The following ZNF69 variants were observed in gnomAD, a reference collection of about 807,000 sequenced individuals.
The protein encoded by ZNF69 is ZNF3.
Under a neutral mutation model 50.9 loss-of-function variants are expected in ZNF69, and 47 were observed. The ratio of observed to expected loss-of-function variants is 0.92; its 90% CI spans 0.73 to 1.18. ZNF69 has a LOEUF of 1.18. Among genes scored for constraint, ZNF69 ranks in the 50% most tolerant of loss-of-function variants. The pLI, the probability that ZNF69 is intolerant of heterozygous loss-of-function variation, is 0.00. For missense variants in ZNF69, 717 were observed against 675.1 expected, an observed-to-expected ratio of 1.06 and a Z score of -0.69; for synonymous variants, 216 against 223.1, an observed-to-expected ratio of 0.97 and a Z score of 0.29.
chr19:11,890,501 A>G (rs111628524), intron 1 of ZNF69, among the ~76,000 whole-genome samples: 1 of 152,254 alleles, frequency 6.6e-6, no homozygotes, highest in Non-Finnish European at 1.5e-5. Context: ...GATTAACAGC[A>G]TCTCAAAGAA....
At chr19:11,939,622 G>A in the ZNF69 span, among the ~76,000 whole-genome samples, 1 of 152,068 alleles carries the variant, frequency 6.6e-6, no homozygotes, top group Non-Finnish European at 1.5e-5. Context: ...TGTTGCGCCT[G>A]GCTAATTTTT....
the ZNF69 span, among the ~76,000 whole-genome samples, chr19:11,943,586 T>C: frequency 6.6e-6 from 1 of 152,144 alleles, no homozygotes; most frequent in Admixed American, 6.5e-5. Context: ...GAGGCTCAGA[T>C]GGGTTATGGT....
chr19:11,946,125 A>G, the ZNF69 span, among the ~76,000 whole-genome samples: 2 of 152,240 alleles, frequency 1.3e-5, no homozygotes, highest in African/African-American at 4.8e-5. Flanking sequence ...CTGCCAGATT[A>G]AACAAGGCCC....
the ZNF69 span, among the ~76,000 whole-genome samples, chr19:11,924,447 A>AG: frequency 2.8e-4 from 42 of 151,810 alleles, 1 homozygote; most frequent in African/African-American, 9.4e-4. Flanking sequence ...AAAAAAAAAA[A>AG]AAAGAAAGAA....
the ZNF69 span, among the ~76,000 whole-genome samples, chr19:11,972,160 C>A: frequency 0.035 from 5,280 of 151,816 alleles, 330 homozygotes; most frequent in African/African-American, 0.12. Flanking sequence ...TGATGTGTAC[C>A]TGTAGTCCCA....
At chr19:11,901,695 A>T (rs1972247348) in intron 1 of ZNF69, among the ~76,000 whole-genome samples, 1 of 151,884 alleles carries the variant, frequency 6.6e-6, no homozygotes, top group Non-Finnish European at 1.5e-5. Context: ...TGTTGGCCAG[A>T]GTGGTCTCAA....
chr19:11,965,299 T>A, the ZNF69 span: 2 of 1,575,062 alleles, frequency 1.3e-6, no homozygotes, highest in Non-Finnish European at 1.7e-6. Context: ...CGGGCCTCCC[T>A]GCGGGCGACT....
chr19:11,946,560 C>T, the ZNF69 span, among the ~76,000 whole-genome samples: 1 of 152,268 alleles, frequency 6.6e-6, no homozygotes, highest in East Asian at 1.9e-4. Context: ...TGTCTGTGTA[C>T]AGGAACTTGT....
intron 1 of ZNF69, among the ~76,000 whole-genome samples, chr19:11,888,742 C>T (rs964879518): frequency 2.0e-5 from 3 of 152,004 alleles, no homozygotes; most frequent in Non-Finnish European, 2.9e-5. Flanking sequence ...CCAAGGCGGG[C>T]GGATCACCTG....
At chr19:11,965,263 C>G in the ZNF69 span, 1 of 1,612,066 alleles carries the variant, frequency 6.2e-7, no homozygotes, top group South Asian at 1.1e-5. Context: ...TGCCTGGAAC[C>G]GGCCGGAACC....
At chr19:11,966,969 A>T in the ZNF69 span, among the ~76,000 whole-genome samples, 1 of 152,208 alleles carries the variant, frequency 6.6e-6, no homozygotes, top group Non-Finnish European at 1.5e-5. Context: ...TCAGACCCCA[A>T]GAGGGTTCTT....
rs150742665 is a variant in ZNF69, at chr19:11,892,962, G to A, written c.63+4976G>A. On this transcript the variant is annotated intron_variant, in intron 1 of 3. Coordinates refer to ENST00000429654, the MANE Select transcript of ZNF69 (RefSeq NM_001364730.1). ...TAATTCTCCTGCTTCAGCCTCCCAAGTAGCTGGGATTACATGCATGTGCCA... is the reference window on the plus strand; with the variant it reads ...TAATTCTCCTGCTTCAGCCTCCCAAATAGCTGGGATTACATGCATGTGCCA... Among the ~76,000 whole-genome samples the A allele has an allele frequency of 1.2e-4, 19 of 152,290 alleles. No homozygotes were observed. In the East Asian group the frequency reaches 3.5e-3, roughly 28 times the overall value.
At chr19:11,961,915 CCT>C in the ZNF69 span, among the ~76,000 whole-genome samples, 6 of 132,662 alleles carry the variant, frequency 4.5e-5, no homozygotes, top group Admixed American at 1.5e-4. Context: ...CCACGCTTGG[CCT>C]CTTTTACACA....
At chr19:11,928,809 A>G in the ZNF69 span, among the ~76,000 whole-genome samples, 3 of 144,058 alleles carry the variant, frequency 2.1e-5, no homozygotes, top group African/African-American at 8.4e-5. Context: ...GCCTGGTAGG[A>G]TGGCTCACAC....
chr19:11,906,842 A>G (rs1972384016), downstream of ZNF69, among the ~76,000 whole-genome samples: 1 of 152,252 alleles, frequency 6.6e-6, no homozygotes, highest in South Asian at 2.1e-4. Context: ...AGCTGAGAGA[A>G]GAAGGCTTCA....
Position 11,906,684 on chromosome 19 carries a change from T to C in ZNF69, c.*586T>C, listed in dbSNP as rs998205885. On this transcript the variant is annotated 3_prime_UTR_variant, in exon 4 of 4. Coordinates refer to ENST00000429654, the MANE Select transcript of ZNF69 (RefSeq NM_001364730.1). ...AAAACCCATCTGTACATCACCATCA[T>C]CAAAGACCAAAAGTAGATAAAACCA... 4.6e-5 allele frequency among the ~76,000 whole-genome samples: 7 copies of C among 152,056 alleles called. No homozygotes were observed. The highest frequency in any genetic ancestry group is 1.7e-4 in the African/African-American group (7 of 41,376).
downstream of ZNF69, chr19:11,914,425 T>C (rs183001516): frequency 2.0e-5 from 3 of 152,324 alleles, no homozygotes; most frequent in Non-Finnish European, 4.4e-5. Context: ...TCCTAAAATG[T>C]ATGGGCACTG....
chr19:11,921,019 A>G, the ZNF69 span, among the ~76,000 whole-genome samples: 1 of 152,090 alleles, frequency 6.6e-6, no homozygotes, highest in Non-Finnish European at 1.5e-5. Context: ...CCATACTAAC[A>G]TGTTAATATG....
chr19:11,913,699 T>C (rs187052492), exon 5 of ZNF69: 4 of 225,382 alleles, frequency 1.8e-5, no homozygotes, highest in African/African-American at 9.1e-5. Flanking sequence ...GCAACCCTAA[T>C]TTTTCATTCA....
Sources: allele counts gnomAD v4.1 joint callset (sites outside exome capture counted in the v4.1 genomes callset), GRCh38; gene constraint gnomAD v4.1.1; transcripts MANE v1.5; gene names NCBI Gene and HGNC (gene_info 2026-07-23, HGNC 2026-07-21).